KIF23: variants seen among roughly 807,000 people sequenced by gnomAD.
The protein encoded by KIF23 is kinesin-like protein KIF23.
In KIF23, 30 loss-of-function variants were observed where a neutral mutation model predicts 137.5. The observed-to-expected ratio is 0.22, with a 90% CI of 0.16 to 0.30. The LOEUF is 0.30. Among genes scored for constraint, KIF23 ranks in the 10% least tolerant of loss-of-function variants. KIF23 has a pLI of 1.00. For synonymous variants in KIF23, 367 were observed against 391.1 expected (o/e 0.94, Z 0.73); for missense variants, 920 against 1,194.3 (o/e 0.77, Z 3.38).
At chr15:69,427,457 GATAAA>G (rs1433198546) in intron 10 of KIF23, 1 of 455,866 alleles carries the variant, frequency 2.2e-6, no homozygotes, top group South Asian at 1.5e-5. Flanking sequence ...TGGTAGAAGT[GATAAA>G]ATAAGACTGT....
rs1375026689 is a variant in KIF23, at chr15:69,438,315, A to G, written c.1665A>G (p.Gln555=). The G allele has an allele frequency of 5.0e-6, 8 of 1,613,466 alleles. No individual in the cohort carries two copies. The highest frequency in any genetic ancestry group is 4.4e-5 in the South Asian group (4 of 90,928). Residue 555 remains glutamine (Q), a synonymous_variant, in exon 16 of 24, where the codon CAA becomes CAG. Transcript: ENST00000679126. ...TTTTAAGTAAAGAAAACCACATGCA[A>G]GGGAAACTAAATGAAAAGGAGAAGA... ...NAVLSKENHM[Q]GKLNEKEKMI... is the part of the protein sequence containing the mutation.
intron 20 of KIF23, 47 bp from the exon 21 acceptor site, chr15:69,445,962 G>C: frequency 1.5e-6 from 2 of 1,301,962 alleles, no homozygotes. Context: ...TGTGTTTTTC[G>C]TTTGGGTGTA....
Position 69,448,100 on chromosome 15 carries a change from AT to A in KIF23, c.*296del, listed in dbSNP as rs1214096261. ...TTTTTATAATGTTTTTTTAAAATAT[AT>A]TTCATGTATACTTATAAACTAATTC... On this transcript the variant is annotated 3_prime_UTR_variant, in exon 24 of 24. Coordinates refer to ENST00000679126, the MANE Select transcript of KIF23 (RefSeq NM_001367805.3). The A allele has an allele frequency of 8.9e-6, 2 of 224,074 alleles. No homozygotes were observed. The highest frequency in any genetic ancestry group is 1.7e-5 in the Non-Finnish European group (2 of 115,114). 13.9% of individuals were successfully genotyped at this position (224,074 alleles called of 1,614,324 possible).
intron 11 of KIF23, 25 bp downstream of exon 11, chr15:69,429,238 A>G (rs1462438540): frequency 6.6e-7 from 1 of 1,520,304 alleles, no homozygotes; most frequent in Non-Finnish European, 9.0e-7. Flanking sequence ...GTATTTATTT[A>G]TTGCTACAAC....
intron 3 of KIF23, among the ~76,000 whole-genome samples, chr15:69,420,833 G>T (rs1264295325): frequency 6.6e-6 from 1 of 152,026 alleles, no homozygotes; most frequent in Non-Finnish European, 1.5e-5. Context: ...TGCCCAGGCT[G>T]GTCTCTTAAC....
chr15:69,429,850 A>G (rs1451267774), intron 11 of KIF23, among the ~76,000 whole-genome samples: 2 of 151,958 alleles, frequency 1.3e-5, no homozygotes, highest in Admixed American at 6.6e-5. Flanking sequence ...ATGAAACCCC[A>G]TCTCTACAAA....
chr15:69,417,387 A>G lies in KIF23; in HGVS notation c.86A>G (p.Tyr29Cys). The stretch of plus-strand genomic sequence containing the variant: ...AGCACCTTCCTATTTCTTCAGGTAT[A>G]CTGTAGGGTGCGCCCACTGGGCTTT... ...QTNLKDPVGV[Y>C]CRVRPLGFPD... Residue 29 changes from tyrosine to cysteine, a missense_variant, in exon 3 of 24, where the codon TAC (tyrosine) becomes TGC (cysteine). Around this residue, in one of 4 missense-constraint regions of KIF23, gnomAD observed 124 missense variants for 122.0 expected, o/e 1.02. Transcript: ENST00000679126. 1 of 1,607,084 alleles carries G rather than the reference A, an allele frequency of 6.2e-7. No individual in the cohort carries two copies. Among genetic ancestry groups the G allele is most frequent in the Non-Finnish European group, 8.5e-7 (1 of 1,177,326 alleles).
rs781023765 is a variant in KIF23, at chr15:69,446,923, A to T, written c.2891A>T (p.Gln964Leu). Reference sequence around the variant, plus strand: ...GGATCCCAGCTGGGACCTGGATATCAGCATCACGCACAACCCAAGTGAGTA... The same window carrying T: ...GGATCCCAGCTGGGACCTGGATATCTGCATCACGCACAACCCAAGTGAGTA... ...RAGSQLGPGYQHHAQPKRKKP is the reference protein window; with the variant it reads ...RAGSQLGPGYLHHAQPKRKKP Residue 964 changes from glutamine to leucine, a missense_variant, in exon 23 of 24, where the codon CAG (glutamine) becomes CTG (leucine). Physicochemically the swap from Gln to Leu is moderately radical, Grantham distance 113. This residue lies in a region of KIF23 where 75 missense variants were observed against 177.9 expected (regional missense o/e 0.42). Coordinates refer to ENST00000679126, the MANE Select transcript of KIF23 (RefSeq NM_001367805.3). 2 of 1,614,096 alleles carry T rather than the reference A, an allele frequency of 1.2e-6. No homozygotes were observed. Among genetic ancestry groups the T allele is most frequent in the Non-Finnish European group, 1.7e-6 (2 of 1,180,010 alleles).
chr15:69,431,867 T>C (rs2057363483), intron 11 of KIF23, among the ~76,000 whole-genome samples: 1 of 152,206 alleles, frequency 6.6e-6, no homozygotes, highest in Non-Finnish European at 1.5e-5. Context: ...GAAGAGATGA[T>C]GTTTAAGTCC....
At chr15:69,415,027 G>C (rs1041572500) in intron 1 of KIF23, 5 of 152,532 alleles carry the variant, frequency 3.3e-5, no homozygotes, top group African/African-American at 9.6e-5. Context: ...ACACAGGCCA[G>C]TTACTTCTGC....
At chr15:69,414,575 G>A in intron 1 of KIF23, 99 bp downstream of exon 1, 1 of 1,244,010 alleles carries the variant, frequency 8.0e-7, no homozygotes, top group Admixed American at 4.1e-5. Context: ...CCGTACGCGG[G>A]CAGCGCGGAC....
At chr15:69,424,272 C>T (rs1333966732) in intron 7 of KIF23, among the ~76,000 whole-genome samples, 3 of 152,088 alleles carry the variant, frequency 2.0e-5, no homozygotes, top group East Asian at 3.8e-4. Context: ...ATTTTCATCA[C>T]GTTTATTGGG....
chr15:69,418,526 C>T (rs369631489), intron 3 of KIF23, among the ~76,000 whole-genome samples: 59 of 152,254 alleles, frequency 3.9e-4, no homozygotes, highest in African/African-American at 1.3e-3. Context: ...CTACCTTTTA[C>T]TTGCCTCTCC....
At chr15:69,419,022 C>T (rs1032318932) in intron 3 of KIF23, among the ~76,000 whole-genome samples, 3 of 152,198 alleles carry the variant, frequency 2.0e-5, no homozygotes, top group South Asian at 2.1e-4. Context: ...TAGCCTGAGA[C>T]AGGAGAATCA....
rs372809193 is a variant in KIF23 at position 69,446,857 on chromosome 15, C to T, written c.2839-14C>T. On this transcript the variant is annotated splice_polypyrimidine_tract_variant and intron_variant, in intron 22 of 23. Transcript: ENST00000679126. ...GAGGAGCTGATCTTTTTCCTCTTGT[C>T]ATTTTCCTCTCAGTGTTCTGTGGCT... 4.0e-5 allele frequency: 65 copies of T among 1,612,778 alleles called. No homozygotes were observed. The highest frequency in any genetic ancestry group is 5.3e-5 in the Non-Finnish European group (63 of 1,178,940).
chr15:69,429,125 C>T lies in KIF23; in HGVS notation c.1026C>T (p.Ile342=), dbSNP rs746234057. ...GATCTTTTTAGGAAAAAGAACAAAT[C>T]ACTATAAGTCAGTTGTCCTTGGTAG... is the stretch of plus-strand genomic sequence containing the variant. ...GDNVLQEKEQ[I]TISQLSLVDL... is the part of the protein sequence containing the mutation. Residue 342 remains isoleucine, a synonymous_variant, in exon 11 of 24, where the codon ATC becomes ATT. Coordinates refer to ENST00000679126, the MANE Select transcript of KIF23 (RefSeq NM_001367805.3). 3 of 1,610,484 alleles carry T rather than the reference C, an allele frequency of 1.9e-6. No homozygotes were observed. Among genetic ancestry groups the T allele is most frequent in the Non-Finnish European group, 2.5e-6 (3 of 1,177,878 alleles).
intron 15 of KIF23, among the ~76,000 whole-genome samples, chr15:69,437,067 T>C (rs1186987721): frequency 6.6e-6 from 1 of 152,196 alleles, no homozygotes; most frequent in Admixed American, 6.5e-5. Context: ...TTTGCAATAA[T>C]TGTAACTTCT....
intron 4 of KIF23, 106 bp from the exon 5 acceptor site, chr15:69,421,886 T>G: frequency 7.1e-7 from 1 of 1,408,568 alleles, no homozygotes; most frequent in South Asian, 1.3e-5. Context: ...GTGCTAAACT[T>G]GCCTTTTTTG....
chr15:69,435,424 C>T, intron 11 of KIF23, 59 bp from the exon 12 acceptor site: 1 of 1,317,910 alleles, frequency 7.6e-7, no homozygotes, highest in Non-Finnish European at 1.1e-6. Context: ...GCAAACAGAA[C>T]ACACTTTAGC....
Sources: allele counts gnomAD v4.1 joint callset (sites outside exome capture counted in the v4.1 genomes callset), GRCh38; gene constraint gnomAD v4.1.1; regional missense constraint gnomAD v4.1.1; transcripts MANE v1.5; gene names NCBI Gene and HGNC (gene_info 2026-07-23, HGNC 2026-07-21).